Variants in PIK3C2G observed in about 807,000 individuals in gnomAD.
The protein encoded by PIK3C2G is phosphatidylinositol-4-phosphate 3-kinase catalytic subunit type 2 gamma.
Under a neutral mutation model 181.1 loss-of-function variants are expected in PIK3C2G, and 168 were observed. That is an observed-to-expected ratio of 0.93 (90% CI 0.82 to 1.05). The LOEUF is 1.05. PIK3C2G is among the 50% of genes least tolerant of loss of function. PIK3C2G has a pLI of 0.00. For missense variants in PIK3C2G, 1,869 were observed against 1,732.8 expected (o/e 1.08, Z -1.40); for synonymous variants, 573 against 592.2 (o/e 0.97, Z 0.47).
the PIK3C2G span, among the ~76,000 whole-genome samples, chr12:18,709,844 G>C: frequency 6.6e-6 from 1 of 151,980 alleles, no homozygotes; most frequent in Non-Finnish European, 1.5e-5. Context: ...TTTCATCCAT[G>C]TTTTATAGTT....
At chr12:18,374,633 G>T (rs1289287023) in intron 13 of PIK3C2G, among the ~76,000 whole-genome samples, 1 of 152,142 alleles carries the variant, frequency 6.6e-6, no homozygotes, top group Non-Finnish European at 1.5e-5. Flanking sequence ...TGCACACTCT[G>T]TAAACACTTC....
chr12:18,650,746 A>ATC (rs1950472376), downstream of PIK3C2G, among the ~76,000 whole-genome samples: 1 of 54,678 alleles, frequency 1.8e-5, no homozygotes, highest in Non-Finnish European at 3.2e-5. Flanking sequence ...ATATATATAT[A>ATC]TATATATATA....
chr12:18,410,108 C>G (rs1056219500), intron 16 of PIK3C2G, among the ~76,000 whole-genome samples: 4 of 152,142 alleles, frequency 2.6e-5, no homozygotes, highest in African/African-American at 9.7e-5. Flanking sequence ...CAAACCATAT[C>G]AAGGCTCAGT....
chr12:18,689,474 G>A, the PIK3C2G span, among the ~76,000 whole-genome samples: 1 of 152,126 alleles, frequency 6.6e-6, no homozygotes, highest in African/African-American at 2.4e-5. Context: ...GCTATCGTTA[G>A]TGTTAGTGTA....
intron 4 of PIK3C2G, among the ~76,000 whole-genome samples, chr12:18,292,708 T>C (rs1399635704): frequency 6.6e-6 from 1 of 152,060 alleles, no homozygotes; most frequent in East Asian, 1.9e-4. Flanking sequence ...ACATTTTGAG[T>C]TCCAAAGGAA....
chr12:18,562,608 C>T (rs1945408646), intron 26 of PIK3C2G, 95 bp from the exon 27 acceptor site: 2 of 730,678 alleles, frequency 2.7e-6, no homozygotes, highest in Admixed American at 2.8e-5. Flanking sequence ...TGGCTTTTTC[C>T]CCTCATACTG....
At chr12:18,534,814 TG>T (rs1943758047) in intron 24 of PIK3C2G, among the ~76,000 whole-genome samples, 1 of 119,604 alleles carries the variant, frequency 8.4e-6, no homozygotes. Flanking sequence ...AAGAGAGAGA[TG>T]AAAAAAAAAA....
chr12:18,521,973 C>T (rs1222353641), intron 24 of PIK3C2G, among the ~76,000 whole-genome samples: 1 of 152,160 alleles, frequency 6.6e-6, no homozygotes, highest in African/African-American at 2.4e-5. Flanking sequence ...CTTACTGCCT[C>T]CCTTGGCTGG....
chr12:18,709,289 T>A, the PIK3C2G span, among the ~76,000 whole-genome samples: 2 of 152,178 alleles, frequency 1.3e-5, no homozygotes, highest in African/African-American at 4.8e-5. Context: ...TACCATTTTG[T>A]CTTCTTGGTC....
intron 27 of PIK3C2G, 148 bp downstream of exon 27, chr12:18,563,040 G>A: frequency 1.5e-6 from 1 of 647,632 alleles, no homozygotes; most frequent in East Asian, 2.7e-5. Context: ...GTGTCATTAA[G>A]AGGATGTTCC....
At chr12:18,424,425 A>T (rs1013403911) in intron 18 of PIK3C2G, among the ~76,000 whole-genome samples, 1 of 152,206 alleles carries the variant, frequency 6.6e-6, no homozygotes, top group Non-Finnish European at 1.5e-5. Flanking sequence ...GTGCAATATT[A>T]GTTATAAACC....
chr12:18,366,838 AC>A (rs1358954972), intron 12 of PIK3C2G, among the ~76,000 whole-genome samples: 2 of 151,784 alleles, frequency 1.3e-5, no homozygotes, highest in Non-Finnish European at 2.9e-5. Context: ...AAGTAGCTAT[AC>A]AAAAGTTAAA....
intron 26 of PIK3C2G, among the ~76,000 whole-genome samples, chr12:18,561,454 G>T (rs1374622321): frequency 6.6e-6 from 1 of 152,088 alleles, no homozygotes; most frequent in Non-Finnish European, 1.5e-5. Flanking sequence ...ATTCCAGCCT[G>T]GGTGACAGAG....
chr12:18,491,647 C>T (rs181893314), intron 20 of PIK3C2G, 89 bp downstream of exon 20: 93 of 694,716 alleles, frequency 1.3e-4, no homozygotes, highest in Admixed American at 9.7e-4. Context: ...AAAAAGAATT[C>T]GTAAGTTGAC....
At chr12:18,553,877 G>A (rs1159051822) in intron 26 of PIK3C2G, among the ~76,000 whole-genome samples, 2 of 152,024 alleles carry the variant, frequency 1.3e-5, no homozygotes, top group African/African-American at 4.8e-5. Flanking sequence ...CTCATTGGTA[G>A]TAGATTTTCT....
chr12:18,721,260 A>C, the PIK3C2G span, among the ~76,000 whole-genome samples: 1 of 152,098 alleles, frequency 6.6e-6, no homozygotes, highest in African/African-American at 2.4e-5. Flanking sequence ...TGGATTTTTA[A>C]AAACCTCATT....
intron 1 of PIK3C2G, among the ~76,000 whole-genome samples, chr12:18,274,966 A>G (rs1033386003): frequency 3.3e-5 from 5 of 152,152 alleles, no homozygotes; most frequent in African/African-American, 1.2e-4. Flanking sequence ...AATTCTCACC[A>G]ACAGGCTTTG....
At chr12:18,491,590 T>C (rs1940574802) in intron 20 of PIK3C2G, 32 bp downstream of exon 20, 1 of 1,238,940 alleles carries the variant, frequency 8.1e-7, no homozygotes, top group Non-Finnish European at 1.2e-6. Context: ...ATTAATGGAA[T>C]ATTTCTGTTT....
At chr12:18,678,301 A>C in the PIK3C2G span, among the ~76,000 whole-genome samples, 5 of 152,252 alleles carry the variant, frequency 3.3e-5, no homozygotes, top group South Asian at 1.0e-3. Flanking sequence ...TGCTCAAAAG[A>C]AAGCCAGAAT....
Sources: allele counts gnomAD v4.1 joint callset (sites outside exome capture counted in the v4.1 genomes callset), GRCh38; gene constraint gnomAD v4.1.1; transcripts MANE v1.5; gene names NCBI Gene and HGNC (gene_info 2026-07-23, HGNC 2026-07-21).